LYPLAL1: variants seen among roughly 807,000 people sequenced by gnomAD.
The protein encoded by LYPLAL1 is lysophospholipase like 1.
In LYPLAL1, 23 loss-of-function variants were observed where a neutral mutation model predicts 19.7. That is an observed-to-expected ratio of 1.17 (90% CI 0.84 to 1.65). LYPLAL1 has a LOEUF of 1.65. LYPLAL1 is among the 40% of genes most tolerant of loss of function. The probability of loss-of-function intolerance (pLI) is 0.00; values close to 1 mark genes in which losing one functional copy is unlikely to be tolerated. For synonymous variants in LYPLAL1, 119 were observed against 96.3 expected (o/e 1.24, Z -1.38); for missense variants, 355 against 279.4 (o/e 1.27, Z -1.93).
the LYPLAL1 span, among the ~76,000 whole-genome samples, chr1:219,387,845 A>G: frequency 2.6e-5 from 4 of 152,202 alleles, no homozygotes; most frequent in South Asian, 4.1e-4. Context: ...GAGTGGAAAC[A>G]GAATGGTTTA....
the LYPLAL1 span, among the ~76,000 whole-genome samples, chr1:219,420,526 T>A: frequency 6.6e-6 from 1 of 152,188 alleles, no homozygotes; most frequent in East Asian, 1.9e-4. Flanking sequence ...CTTAATTTTG[T>A]AGTCAAACGT....
the LYPLAL1 span, among the ~76,000 whole-genome samples, chr1:219,357,307 G>A: frequency 6.6e-6 from 1 of 152,164 alleles, no homozygotes; most frequent in South Asian, 2.1e-4. Flanking sequence ...ACTTCAATAT[G>A]TGGCAACAAC....
chr1:219,329,907 C>T, the LYPLAL1 span, among the ~76,000 whole-genome samples: 62 of 152,202 alleles, frequency 4.1e-4, no homozygotes, highest in Middle Eastern at 6.8e-3. Flanking sequence ...CTCGCCCCCA[C>T]CCCCTCTGAT....
chr1:219,292,132 C>T, the LYPLAL1 span, among the ~76,000 whole-genome samples: 1 of 152,162 alleles, frequency 6.6e-6, no homozygotes, highest in Non-Finnish European at 1.5e-5. Flanking sequence ...TCTTGTCTCT[C>T]CCGACACCAC....
At chr1:219,255,784 G>A in the LYPLAL1 span, among the ~76,000 whole-genome samples, 1 of 151,714 alleles carries the variant, frequency 6.6e-6, no homozygotes, top group African/African-American at 2.4e-5. Context: ...GAATCTAAGA[G>A]TATTTATCAT....
chr1:219,227,277 G>T, the LYPLAL1 span, among the ~76,000 whole-genome samples: 1 of 152,172 alleles, frequency 6.6e-6, no homozygotes, highest in Non-Finnish European at 1.5e-5. Context: ...GAGTTCAGAA[G>T]ATTTTCAGAA....
chr1:219,293,126 A>T, the LYPLAL1 span, among the ~76,000 whole-genome samples: 1 of 152,190 alleles, frequency 6.6e-6, no homozygotes, highest in African/African-American at 2.4e-5. Flanking sequence ...CCGAGTTTAC[A>T]TCTGGGATGG....
the LYPLAL1 span, among the ~76,000 whole-genome samples, chr1:219,258,262 C>T: frequency 1.8e-4 from 27 of 152,094 alleles, no homozygotes; most frequent in African/African-American, 6.3e-4. Context: ...ATCACAGGGT[C>T]CTGAGGTCAT....
intron 1 of LYPLAL1, among the ~76,000 whole-genome samples, chr1:219,177,992 C>T (rs1243382037): frequency 6.6e-6 from 1 of 152,212 alleles, no homozygotes; most frequent in Non-Finnish European, 1.5e-5. Flanking sequence ...CCTGCCCTTT[C>T]CTCGCCCTGG....
At chr1:219,280,816 G>T in the LYPLAL1 span, among the ~76,000 whole-genome samples, 5 of 152,130 alleles carry the variant, frequency 3.3e-5, no homozygotes, top group Admixed American at 3.3e-4. Context: ...GGGAGGCCTA[G>T]ACAGGCAAAA....
chr1:219,327,420 T>C, the LYPLAL1 span, among the ~76,000 whole-genome samples: 2 of 152,044 alleles, frequency 1.3e-5, no homozygotes, highest in South Asian at 2.1e-4. Context: ...GGCGAGGCAA[T>C]TGAGGTCCTG....
the LYPLAL1 span, among the ~76,000 whole-genome samples, chr1:219,336,538 C>CA: frequency 6.6e-6 from 1 of 151,990 alleles, no homozygotes; most frequent in Admixed American, 6.6e-5. Flanking sequence ...CCATTGGGAA[C>CA]ACTGCAACTA....
downstream of LYPLAL1, among the ~76,000 whole-genome samples, chr1:219,214,326 C>T (rs1659210456): frequency 6.6e-6 from 1 of 152,082 alleles, no homozygotes; most frequent in South Asian, 2.1e-4. Context: ...TTTTGGTCTG[C>T]AGTTTTTGCT....
chr1:219,241,134 C>CTCTCTATATATATATATATA, the LYPLAL1 span, among the ~76,000 whole-genome samples: 40 of 44,334 alleles, frequency 9.0e-4, no homozygotes, highest in Non-Finnish European at 1.2e-3. Flanking sequence ...CTCTCTCTCT[C>CTCTCTATATATATATATATA]TATATATATA....
chr1:219,313,563 C>G, the LYPLAL1 span, among the ~76,000 whole-genome samples: 1 of 150,930 alleles, frequency 6.6e-6, no homozygotes, highest in Non-Finnish European at 1.5e-5. Context: ...TTCACTCTGT[C>G]ACCCAGGCTG....
the LYPLAL1 span, among the ~76,000 whole-genome samples, chr1:219,403,380 T>TG: frequency 1.3e-5 from 2 of 152,106 alleles, no homozygotes; most frequent in Non-Finnish European, 2.9e-5. Flanking sequence ...CAGAAAACCC[T>TG]GGGGGGCTGA....
the LYPLAL1 span, among the ~76,000 whole-genome samples, chr1:219,264,275 A>G: frequency 3.3e-5 from 5 of 152,200 alleles, no homozygotes; most frequent in African/African-American, 7.2e-5. Flanking sequence ...CAGACCACCA[A>G]TTGGGTGGAC....
At chr1:219,392,796 A>G in the LYPLAL1 span, among the ~76,000 whole-genome samples, 17 of 152,210 alleles carry the variant, frequency 1.1e-4, no homozygotes, top group African/African-American at 3.9e-4. Flanking sequence ...CACAGCCTCC[A>G]TAAAATTGAT....
chr1:219,179,529 A>G (rs1656098525), intron 2 of LYPLAL1: 1 of 271,922 alleles, frequency 3.7e-6, no homozygotes, highest in South Asian at 7.4e-5. Flanking sequence ...TGCCCTGCAG[A>G]TTGCTCAACT....
Sources: allele counts gnomAD v4.1 joint callset (sites outside exome capture counted in the v4.1 genomes callset), GRCh38; gene constraint gnomAD v4.1.1; transcripts MANE v1.5; gene names NCBI Gene and HGNC (gene_info 2026-07-23, HGNC 2026-07-21).